Variants in GABRG3 observed in about 807,000 individuals in gnomAD.
GABRG3 encodes gamma-aminobutyric acid type A receptor subunit gamma3.
A neutral mutation model predicts 48.8 loss-of-function variants in GABRG3; 25 were observed. The observed-to-expected ratio is 0.51, with a 90% CI of 0.37 to 0.72. The LOEUF is 0.72. GABRG3 is among the 30% of genes least tolerant of loss of function. The probability of loss-of-function intolerance (pLI) is 0.00; values close to 1 mark genes in which losing one functional copy is unlikely to be tolerated. For synonymous variants in GABRG3, 227 were observed against 217.6 expected (o/e 1.04, Z -0.38); for missense variants, 394 against 577.9 (o/e 0.68, Z 3.26).
At chr15:27,306,649 CATAT>C (rs534790790) in intron 3 of GABRG3, among the ~76,000 whole-genome samples, 2 of 65,166 alleles carry the variant, frequency 3.1e-5, no homozygotes, top group African/African-American at 6.3e-5. Context: ...TATATATAAA[CATAT>C]ATATGAACAT....
At chr15:27,052,393 G>T (rs905959377) in intron 3 of GABRG3, among the ~76,000 whole-genome samples, 1 of 152,326 alleles carries the variant, frequency 6.6e-6, no homozygotes, top group African/African-American at 2.4e-5. Context: ...GGGCCTCGGC[G>T]TGTGGCACAG....
intron 3 of GABRG3, among the ~76,000 whole-genome samples, chr15:27,137,312 C>G (rs942098197): frequency 6.6e-6 from 1 of 152,228 alleles, no homozygotes; most frequent in African/African-American, 2.4e-5. Flanking sequence ...ATGAAATACA[C>G]ATGGCCTAGC....
Position 26,971,396 on chromosome 15 carries a change from G to A in GABRG3, c.-140G>A, listed in dbSNP as rs1284657046. 6.9e-6 allele frequency: 4 copies of A among 583,760 alleles called. No homozygotes were observed. In the East Asian group the frequency reaches 1.5e-4, roughly 21 times the overall value. The allele number at this position is 583,760 out of a possible 1,614,324, so 36.2% of individuals were successfully genotyped here. ...CCGCGGGGGCGCGGCCAGCGCCAGA[G>A]TAGATACCTGTCCCGCCCGCCGCGG... On this transcript the variant is annotated 5_prime_UTR_variant, in exon 1 of 10. Coordinates refer to ENST00000615808, the MANE Select transcript of GABRG3 (RefSeq NM_033223.5).
At chr15:27,445,356 G>T (rs528898139) in intron 5 of GABRG3, among the ~76,000 whole-genome samples, 296 of 152,186 alleles carry the variant, frequency 1.9e-3, no homozygotes, top group Non-Finnish European at 3.2e-3. Flanking sequence ...TTTCATTTTT[G>T]ATTTTTATTA....
chr15:27,005,398 G>T (rs542135130), intron 2 of GABRG3, among the ~76,000 whole-genome samples: 118 of 152,014 alleles, frequency 7.8e-4, no homozygotes, highest in African/African-American at 2.8e-3. Context: ...GAAGCAGTGT[G>T]CTTTGAGTGC....
At position 27,538,227 on chromosome 15, in the gene GABRG3, C is replaced by T. The variant is rs189890157; in HGVS notation, c.*5346C>T. ...AAAACCCCTTATACCTTTTATTGTC[C>T]TGCTTACTTATAAAAGCCAAATTTT... On this transcript the variant is annotated 3_prime_UTR_variant, in exon 10 of 10. Transcript: ENST00000615808. 19 of 152,256 alleles carry T rather than the reference C, an allele frequency of 1.2e-4. No homozygotes were observed. Among genetic ancestry groups the T allele is most frequent in the Admixed American group, 8.5e-4 (13 of 15,294 alleles). 9.4% of individuals were successfully genotyped at this position (152,256 alleles called of 1,614,324 possible). A position where few individuals can be genotyped will look rare whatever the true frequency, so the allele number is the denominator to read the frequency against.
chr15:26,984,852 C>G (rs12900861), intron 2 of GABRG3, among the ~76,000 whole-genome samples: 1 of 151,972 alleles, frequency 6.6e-6, no homozygotes, highest in Non-Finnish European at 1.5e-5. Flanking sequence ...CTGGGAAAAA[C>G]AGAAGGTTAC....
At chr15:27,463,788 T>C (rs768587138) in intron 5 of GABRG3, among the ~76,000 whole-genome samples, 7 of 152,212 alleles carry the variant, frequency 4.6e-5, no homozygotes, top group Admixed American at 6.5e-5. Flanking sequence ...TTAGAAGCAC[T>C]GTGCAGGGGG....
chr15:27,106,229 T>C (rs1165389041), intron 3 of GABRG3, among the ~76,000 whole-genome samples: 1 of 152,046 alleles, frequency 6.6e-6, no homozygotes, highest in Non-Finnish European at 1.5e-5. Context: ...ATAATAAAAT[T>C]GTACTGTATT....
rs76547594 is a variant in GABRG3, at chr15:27,355,166, C to T, written c.574+26278C>T. On this transcript the variant is annotated intron_variant, in intron 5 of 9. Transcript: ENST00000615808. ...CTGTTCATGTCTCAATATGTACCAC[C>T]AGATGAGAGCTGCTTAGTGATCTTT... is the stretch of plus-strand genomic sequence containing the variant. Among the ~76,000 whole-genome samples the T allele has an allele frequency of 3.0e-3, 463 of 152,248 alleles. 2 individuals carry two copies. The highest frequency in any genetic ancestry group is 0.011 in the African/African-American group (442 of 41,550).
intron 3 of GABRG3, among the ~76,000 whole-genome samples, chr15:27,307,896 A>G (rs1473402996): frequency 7.2e-6 from 1 of 138,994 alleles, no homozygotes; most frequent in African/African-American, 2.6e-5. Context: ...TATAAAATAT[A>G]TATAAAATAA....
intron 3 of GABRG3, among the ~76,000 whole-genome samples, chr15:27,273,020 G>C (rs1891138570): frequency 6.6e-6 from 1 of 152,282 alleles, no homozygotes; most frequent in East Asian, 1.9e-4. Flanking sequence ...AATGAATGTG[G>C]CTCTGTTCCA....
chr15:27,326,043 G>C (rs967184526), intron 3 of GABRG3, among the ~76,000 whole-genome samples: 1 of 152,080 alleles, frequency 6.6e-6, no homozygotes, highest in African/African-American at 2.4e-5. Context: ...CAGTCTGCAG[G>C]CACTTCTTTG....
At chr15:27,384,283 T>G (rs1895860078) in intron 5 of GABRG3, among the ~76,000 whole-genome samples, 1 of 152,166 alleles carries the variant, frequency 6.6e-6, no homozygotes, top group Non-Finnish European at 1.5e-5. Context: ...TTTCCTTGAT[T>G]AAATGCAAAT....
intron 2 of GABRG3, among the ~76,000 whole-genome samples, chr15:27,004,414 A>T (rs189441422): frequency 2.0e-5 from 3 of 148,614 alleles, no homozygotes; most frequent in Non-Finnish European, 4.5e-5. Context: ...GGCGCTCCTC[A>T]CTTCCTAGAT....
rs1265399101 is a variant in GABRG3 at position 27,536,384 on chromosome 15, CAGAA to C, written c.*3506_*3509del. 9.2e-5 allele frequency: 14 copies of C among 152,142 alleles called. No individual in the cohort carries two copies. Among genetic ancestry groups the C allele is most frequent in the African/African-American group, 3.4e-4 (14 of 41,430 alleles). 9.4% of individuals were successfully genotyped at this position (152,142 alleles called of 1,614,324 possible). A position where few individuals can be genotyped will look rare whatever the true frequency, so the allele number is the denominator to read the frequency against. Reference sequence around the variant, plus strand: ...ACCCAAAACATGCCTTAAAATGAAACAGAAAGCTCAAATAATACACATCTTTTAA... The same window carrying C: ...ACCCAAAACATGCCTTAAAATGAAACAGCTCAAATAATACACATCTTTTAA... On this transcript the variant is annotated 3_prime_UTR_variant, in exon 10 of 10. Coordinates refer to ENST00000615808, the MANE Select transcript of GABRG3 (RefSeq NM_033223.5).
At chr15:27,078,596 A>G (rs771924028) in intron 3 of GABRG3, among the ~76,000 whole-genome samples, 2 of 152,252 alleles carry the variant, frequency 1.3e-5, no homozygotes, top group African/African-American at 4.8e-5. Flanking sequence ...TGATAGGAGA[A>G]GCACATCTCT....
chr15:26,990,763 A>T (rs975315285), intron 2 of GABRG3, among the ~76,000 whole-genome samples: 1 of 149,004 alleles, frequency 6.7e-6, no homozygotes, highest in East Asian at 2.0e-4. Flanking sequence ...TAGTAGTTCC[A>T]TATTTTAAGG....
intron 5 of GABRG3, among the ~76,000 whole-genome samples, chr15:27,348,994 T>A (rs887476637): frequency 6.6e-6 from 1 of 152,156 alleles, no homozygotes; most frequent in African/African-American, 2.4e-5. Context: ...TAGAGCCAGA[T>A]AGACCAGTTA....
Sources: allele counts gnomAD v4.1 joint callset (sites outside exome capture counted in the v4.1 genomes callset), GRCh38; gene constraint gnomAD v4.1.1; transcripts MANE v1.5; gene names NCBI Gene and HGNC (gene_info 2026-07-23, HGNC 2026-07-21).